Variants in MIS18BP1 observed in about 807,000 individuals in gnomAD.
MIS18BP1 encodes the protein MIS18 binding protein 1, also known as mis18-binding protein 1.
Under a neutral mutation model 116.1 loss-of-function variants are expected in MIS18BP1, and 72 were observed. The ratio of observed to expected loss-of-function variants is 0.62; its 90% CI spans 0.51 to 0.75. The LOEUF is 0.75. Among genes scored for constraint, MIS18BP1 ranks in the 30% least tolerant of loss-of-function variants. The probability of loss-of-function intolerance (pLI) is 0.00; values close to 1 mark genes in which losing one functional copy is unlikely to be tolerated. For synonymous variants in MIS18BP1, 386 were observed against 427.0 expected, an observed-to-expected ratio of 0.90 and a Z score of 1.18; for missense variants, 1,363 against 1,303.2, an observed-to-expected ratio of 1.05 and a Z score of -0.71.
In MIS18BP1 at chr14:45,242,762, G is replaced by GT. The variant is rs1566821216; in HGVS notation, c.656dup (p.Tyr219Ter). The GT allele has an allele frequency of 6.3e-7, 1 of 1,599,636 alleles. No individual in the cohort carries two copies. The highest frequency in any genetic ancestry group is 2.2e-5 in the East Asian group (1 of 44,792). ...GAAAACAAACCAAAAATAGTTTACC[G>GT]TAAGTTAAATTGTGCAGTGGTGCTT... ...EKKAPLHNLT[Y>*]ELPTLNQEQE... is the part of the protein sequence containing the mutation. The change falls in exon 3 of 17, where the codon TAC becomes TAAC. Residue 219 changes from tyrosine (Y) to a stop codon, truncating the protein, a stop_gained and frameshift_variant and splice_region_variant. Coordinates refer to ENST00000310806, the MANE Select transcript of MIS18BP1 (RefSeq NM_018353.5). LOFTEE classifies it high-confidence loss of function.
chr14:45,241,076 C>A (rs775295141), intron 4 of MIS18BP1, among the ~76,000 whole-genome samples: 50 of 152,010 alleles, frequency 3.3e-4, no homozygotes, highest in African/African-American at 1.1e-3. Context: ...AAAAGGCTGG[C>A]CTGGGCAACA....
At chr14:45,250,654 A>G (rs1388636938) in intron 1 of MIS18BP1, among the ~76,000 whole-genome samples, 1 of 152,248 alleles carries the variant, frequency 6.6e-6, no homozygotes, top group African/African-American at 2.4e-5. Flanking sequence ...CTAAAAACTG[A>G]CAAATGTTGA....
In MIS18BP1 at chr14:45,247,294, AG is replaced by A; in HGVS notation, c.-9del. The A allele has an allele frequency of 6.6e-7, 1 of 1,525,478 alleles. No individual in the cohort carries two copies. The highest frequency in any genetic ancestry group is 8.8e-7 in the Non-Finnish European group (1 of 1,142,856). The allele number at this position is 1,525,478 out of a possible 1,614,324, so 94.5% of individuals were successfully genotyped here. A position where few individuals can be genotyped will look rare whatever the true frequency, so the allele number is the denominator to read the frequency against. On this transcript the variant is annotated 5_prime_UTR_variant, in exon 2 of 17. Transcript: ENST00000310806. The stretch of plus-strand genomic sequence containing the variant: ...CAAAGGTGTTGCAATCATCTTGACA[AG>A]AAAGTAGCAACCAAGTTCTTCTAAC...
Position 45,218,387 on chromosome 14 carries a change from G to A in MIS18BP1, c.2737C>T (p.Arg913Ter), listed in dbSNP as rs1289977756. 2 of 1,613,930 alleles carry A rather than the reference G, an allele frequency of 1.2e-6. No homozygotes were observed. Among genetic ancestry groups the A allele is most frequent in the Admixed American group, 1.7e-5 (1 of 59,962 alleles). Residue 913 changes from arginine (R) to a stop codon, truncating the protein, a stop_gained, in exon 12 of 17, where the codon CGA becomes TGA. Transcript: ENST00000310806. LOFTEE classifies it high-confidence loss of function. ...WSEVAAAVGS[R>*]SPEECQRKYM... Reference sequence around the variant, plus strand: ...TTCCTCTGGCATTCTTCAGGAGATCGAGAACCTACAGCCGCAGCTACCTCT... The same window carrying A: ...TTCCTCTGGCATTCTTCAGGAGATCAAGAACCTACAGCCGCAGCTACCTCT...
At chr14:45,252,274 G>A (rs1326608393) in intron 1 of MIS18BP1, among the ~76,000 whole-genome samples, 1 of 151,944 alleles carries the variant, frequency 6.6e-6, no homozygotes, top group Non-Finnish European at 1.5e-5. Context: ...AATAAATCCC[G>A]CCACATCCAT....
At chr14:45,208,469 A>T (rs1040092087) in intron 14 of MIS18BP1, among the ~76,000 whole-genome samples, 2 of 151,334 alleles carry the variant, frequency 1.3e-5, no homozygotes, top group Non-Finnish European at 2.9e-5. Context: ...AGTAGCTAGG[A>T]TTACAGACAC....
intron 4 of MIS18BP1, among the ~76,000 whole-genome samples, chr14:45,239,590 A>T (rs1891521378): frequency 6.6e-6 from 1 of 152,186 alleles, no homozygotes; most frequent in African/African-American, 2.4e-5. Flanking sequence ...ACCATGGTAA[A>T]GGCTTAGTGT....
intron 13 of MIS18BP1, among the ~76,000 whole-genome samples, chr14:45,211,336 C>G (rs1890667705): frequency 6.6e-6 from 1 of 152,174 alleles, no homozygotes; most frequent in African/African-American, 2.4e-5. Context: ...AAATTTACTG[C>G]AAGATTTACT....
intron 4 of MIS18BP1, among the ~76,000 whole-genome samples, chr14:45,238,115 G>GTTTT (rs35409821): frequency 7.2e-6 from 1 of 138,328 alleles, no homozygotes; most frequent in African/African-American, 2.7e-5. Context: ...AAAATTAAGA[G>GTTTT]TTTTTTTTTT....
chr14:45,208,449 C>T (rs942839363), intron 14 of MIS18BP1, among the ~76,000 whole-genome samples: 32 of 151,154 alleles, frequency 2.1e-4, no homozygotes, highest in African/African-American at 7.5e-4. Context: ...TCTCCTGCCT[C>T]AGCCTTCTGA....
chr14:45,237,544 T>C, intron 5 of MIS18BP1, 104 bp downstream of exon 5: 3 of 1,371,000 alleles, frequency 2.2e-6, no homozygotes, highest in Non-Finnish European at 9.7e-7. Flanking sequence ...CATAACCTTG[T>C]TAGGTCTTTG....
intron 4 of MIS18BP1, among the ~76,000 whole-genome samples, chr14:45,240,097 T>G (rs1457336643): frequency 6.6e-6 from 1 of 152,164 alleles, no homozygotes; most frequent in African/African-American, 2.4e-5. Context: ...GAATTTTCTG[T>G]GCTGGAAACA....
At chr14:45,244,204 T>C (rs898526140) in intron 2 of MIS18BP1, among the ~76,000 whole-genome samples, 11 of 152,080 alleles carry the variant, frequency 7.2e-5, no homozygotes, top group Non-Finnish European at 1.0e-4. Flanking sequence ...CTATGAGACA[T>C]AGAGCAAGCG....
chr14:45,219,098 G>A (rs1415348236), intron 11 of MIS18BP1, among the ~76,000 whole-genome samples: 1 of 152,104 alleles, frequency 6.6e-6, no homozygotes, highest in Non-Finnish European at 1.5e-5. Flanking sequence ...TCCCCATAAA[G>A]ATTTCATGCA....
At chr14:45,228,537 A>G (rs1427781510) in intron 8 of MIS18BP1, among the ~76,000 whole-genome samples, 1 of 152,246 alleles carries the variant, frequency 6.6e-6, no homozygotes, top group Non-Finnish European at 1.5e-5. Flanking sequence ...GTATAACTAA[A>G]TTTCTGTAAT....
At chr14:45,252,795 G>C (rs1019061423) in intron 1 of MIS18BP1, among the ~76,000 whole-genome samples, 1 of 151,004 alleles carries the variant, frequency 6.6e-6, no homozygotes, top group African/African-American at 2.4e-5. Context: ...ATTTATTTTA[G>C]AACAAAGACC....
intron 4 of MIS18BP1, among the ~76,000 whole-genome samples, chr14:45,239,790 A>AT (rs1263797419): frequency 6.6e-6 from 1 of 152,170 alleles, no homozygotes; most frequent in African/African-American, 2.4e-5. Context: ...CTGGACTAGG[A>AT]GGTAGTGGTT....
chr14:45,246,761 C>A lies in MIS18BP1; in HGVS notation c.526G>T (p.Asp176Tyr), dbSNP rs1218795197. 6.4e-7 allele frequency: 1 copy of A among 1,568,602 alleles called. No homozygotes were observed. The highest frequency in any genetic ancestry group is 8.6e-7 in the Non-Finnish European group (1 of 1,164,872). ...AACTAACCTCTTAGTGAACTGTCATCTGACTGGAATGATTTGTTGTTTTCC... is the reference window on the plus strand; with the variant it reads ...AACTAACCTCTTAGTGAACTGTCATATGACTGGAATGATTTGTTGTTTTCC... ...EKENNKSFQS[D>Y]DSSLRASVQG... Residue 176 changes from aspartate to tyrosine, a missense_variant, in exon 2 of 17, where the codon GAT becomes TAT. By Grantham distance (160) the Asp-to-Tyr change is radical (BLOSUM62 -3). Coordinates refer to ENST00000310806, the MANE Select transcript of MIS18BP1 (RefSeq NM_018353.5).
At chr14:45,243,276 T>A (rs1891634710) in intron 2 of MIS18BP1, among the ~76,000 whole-genome samples, 1 of 152,180 alleles carries the variant, frequency 6.6e-6, no homozygotes, top group Non-Finnish European at 1.5e-5. Context: ...TTGCTGTGAA[T>A]TTCTAAAGCA....
Sources: gnomAD v4.1 joint callset for allele counts (sites outside exome capture counted in the v4.1 genomes callset) on GRCh38, gnomAD v4.1.1 for gene constraint, MANE v1.5 for transcripts, NCBI Gene and HGNC (gene_info 2026-07-23, HGNC 2026-07-21) for gene names.